Variants in ATP8B1 observed in about 807,000 individuals in gnomAD.
ATP8B1 encodes the protein ATPase phospholipid transporting 8B1, also known as phospholipid-transporting ATPase IC.
In ATP8B1, 80 loss-of-function variants were observed where a neutral mutation model predicts 149.9. That is an observed-to-expected ratio of 0.53 (90% CI 0.45 to 0.64). The LOEUF (loss-of-function observed/expected upper bound fraction) is 0.64. ATP8B1 is among the 30% of genes least tolerant of loss of function. The pLI, the probability that ATP8B1 is intolerant of heterozygous loss-of-function variation, is 0.00. For missense variants in ATP8B1, 1,247 were observed against 1,552.6 expected, an observed-to-expected ratio of 0.80 and a Z score of 3.31; for synonymous variants, 536 against 562.8, an observed-to-expected ratio of 0.95 and a Z score of 0.67.
chr18:57,760,863 C>T lies in ATP8B1; in HGVS notation c.-25-29031G>A, dbSNP rs567715118. 4.6e-5 allele frequency among the ~76,000 whole-genome samples: 7 copies of T among 151,948 alleles called. No homozygotes were observed. In the South Asian group the frequency reaches 8.3e-4, roughly 18 times the overall value. On this transcript the variant is annotated intron_variant, in intron 1 of 27. Coordinates refer to ENST00000648908, the MANE Select transcript of ATP8B1 (RefSeq NM_001374385.1). Reference sequence around the variant, plus strand: ...AATTAGCCAGGCATGATGGCGCGCACCTGTAGTCCCAGCTACTCCAGAGGC... The same window carrying T: ...AATTAGCCAGGCATGATGGCGCGCATCTGTAGTCCCAGCTACTCCAGAGGC...
intron 2 of ATP8B1, among the ~76,000 whole-genome samples, chr18:57,729,136 A>G (rs2079735745): frequency 6.6e-6 from 1 of 152,144 alleles, no homozygotes; most frequent in Non-Finnish European, 1.5e-5. Context: ...GCAGAGTTGT[A>G]AAAAAACAGG....
chr18:57,713,120 G>A (rs569598377), intron 2 of ATP8B1, among the ~76,000 whole-genome samples: 2 of 152,046 alleles, frequency 1.3e-5, no homozygotes, highest in South Asian at 4.2e-4. Context: ...AAAGCAGAAG[G>A]AAAATTAAAG....
intron 4 of ATP8B1, among the ~76,000 whole-genome samples, chr18:57,701,837 A>G (rs1004739628): frequency 1.3e-5 from 2 of 151,996 alleles, no homozygotes; most frequent in Non-Finnish European, 2.9e-5. Context: ...CTGGGATTAC[A>G]GGTGTGTGCC....
intron 6 of ATP8B1, among the ~76,000 whole-genome samples, chr18:57,699,540 C>T (rs536735855): frequency 7.9e-5 from 12 of 151,798 alleles, no homozygotes; most frequent in African/African-American, 2.7e-4. Context: ...ATTAAGACCA[C>T]GGTGAAACCC....
At chr18:57,711,467 C>T (rs895746878) in intron 2 of ATP8B1, among the ~76,000 whole-genome samples, 3 of 152,192 alleles carry the variant, frequency 2.0e-5, no homozygotes, top group Non-Finnish European at 2.9e-5. Flanking sequence ...TGTACACACA[C>T]GTGCACATCT....
At position 57,701,232 on chromosome 18, in the gene ATP8B1, C is replaced by T; in HGVS notation, c.475G>A (p.Asp159Asn). Reference sequence around the variant, plus strand: ...ATCCTCACCACATCGTCCACCAGGTCTTTGATTGCAGTGACGCCCAGCACC... The same window carrying T: ...ATCCTCACCACATCGTCCACCAGGTTTTTGATTGCAGTGACGCCCAGCACC... The part of the protein sequence containing the change: ...LVVLGVTAIK[D>N]LVDDVARHKM... The change falls in exon 5 of 28, where the codon GAC (aspartate) becomes AAC (asparagine). Residue 159 changes from aspartate (D) to asparagine (N), a missense_variant. Coordinates refer to ENST00000648908, the MANE Select transcript of ATP8B1 (RefSeq NM_001374385.1). 1 of 1,614,206 alleles carries T rather than the reference C, an allele frequency of 6.2e-7. No homozygotes were observed. The highest frequency in any genetic ancestry group is 8.5e-7 in the Non-Finnish European group (1 of 1,180,024).
At chr18:57,752,223 AATG>A (rs200363151) in intron 1 of ATP8B1, among the ~76,000 whole-genome samples, 2,035 of 119,436 alleles carry the variant, frequency 0.017, 28 homozygotes, top group South Asian at 0.031. Flanking sequence ...TAATAATAAT[AATG>A]ATAATAATAA....
At chr18:57,764,420 T>C (rs1045220361) in intron 1 of ATP8B1, among the ~76,000 whole-genome samples, 7 of 56,208 alleles carry the variant, frequency 1.2e-4, no homozygotes, top group Non-Finnish European at 2.9e-4. Context: ...TCTCTTTCTC[T>C]CTTTCTTTCT....
At chr18:57,771,630 T>TACAG (rs1555655551) in intron 1 of ATP8B1, among the ~76,000 whole-genome samples, 1 of 152,196 alleles carries the variant, frequency 6.6e-6, no homozygotes, top group Non-Finnish European at 1.5e-5. Flanking sequence ...TCAGGCCACA[T>TACAG]ACAGCAGCAG....
At chr18:57,714,136 G>A (rs983439583) in intron 2 of ATP8B1, among the ~76,000 whole-genome samples, 12 of 152,232 alleles carry the variant, frequency 7.9e-5, no homozygotes, top group African/African-American at 2.9e-4. Flanking sequence ...AACATCAGCA[G>A]TAACCTGGCA....
intron 1 of ATP8B1, among the ~76,000 whole-genome samples, chr18:57,781,512 T>G (rs1233320481): frequency 6.6e-6 from 1 of 152,214 alleles, no homozygotes; most frequent in African/African-American, 2.4e-5. Context: ...AGTGCTGAAC[T>G]TGTATTTAGT....
At chr18:57,668,075 G>A (rs913359793) in intron 19 of ATP8B1, 1 of 1,305,646 alleles carries the variant, frequency 7.7e-7, no homozygotes, top group African/African-American at 1.5e-5. Flanking sequence ...ACTTTGTATT[G>A]TTCTACTCTG....
chr18:57,749,489 A>T (rs751714454), intron 1 of ATP8B1, among the ~76,000 whole-genome samples: 1 of 152,194 alleles, frequency 6.6e-6, no homozygotes, highest in Non-Finnish European at 1.5e-5. Flanking sequence ...TTATCATAAT[A>T]CTATTTATAA....
At chr18:57,651,720 C>T (rs895902496) in intron 26 of ATP8B1, among the ~76,000 whole-genome samples, 3 of 151,936 alleles carry the variant, frequency 2.0e-5, no homozygotes, top group Non-Finnish European at 2.9e-5. Flanking sequence ...GTAGCCTCAA[C>T]GTCCCAGGTC....
In ATP8B1 at chr18:57,662,679, T is replaced by C. The variant is rs1910548199; in HGVS notation, c.2286-64A>G. The stretch of plus-strand genomic sequence containing the variant: ...CCTAAATAGGCCCTTGACTCTGAGA[T>C]AACTTTGACTTAAAAAAAATTGTGA... On this transcript the variant is annotated intron_variant, in intron 20 of 27. Transcript: ENST00000648908. The C allele has an allele frequency of 7.1e-6, 11 of 1,551,020 alleles. No homozygotes were observed. The South Asian group carries it at 1.1e-4, about 15-fold the overall frequency.
intron 4 of ATP8B1, among the ~76,000 whole-genome samples, chr18:57,703,308 G>A (rs1913219825): frequency 6.6e-6 from 1 of 152,148 alleles, no homozygotes; most frequent in South Asian, 2.1e-4. Context: ...AGTGGCTCAT[G>A]CTTGTAATCC....
chr18:57,705,095 A>AAGAT (rs1913323653), intron 3 of ATP8B1, among the ~76,000 whole-genome samples: 1 of 152,156 alleles, frequency 6.6e-6, no homozygotes, highest in African/African-American at 2.4e-5. Flanking sequence ...AGAAGAAAGA[A>AAGAT]AGATACTGAT....
intron 1 of ATP8B1, among the ~76,000 whole-genome samples, chr18:57,798,823 GAAC>G (rs1271196502): frequency 1.3e-5 from 2 of 152,100 alleles, no homozygotes; most frequent in Non-Finnish European, 2.9e-5. Context: ...CAGGGCTTAA[GAAC>G]AACAGTGTAG....
At position 57,704,642 on chromosome 18, in the gene ATP8B1, G is replaced by A. The variant is rs1555693515; in HGVS notation, c.306C>T (p.Tyr102=). 6.2e-7 allele frequency: 1 copy of A among 1,607,510 alleles called. No individual in the cohort carries two copies. The change falls in exon 4 of 28, where the codon TAC becomes TAT. Residue 102 remains tyrosine (Y), a synonymous_variant. Coordinates refer to ENST00000648908, the MANE Select transcript of ATP8B1 (RefSeq NM_001374385.1). The part of the protein sequence containing the change: ...YANNAIKTYK[Y]NAFTFIPMNL... ...TCATTGGTATAAAGGTAAATGCGTT[G>A]TACTTGTATGTTTTAATTGCATTAT...
Sources: gnomAD v4.1 joint callset for allele counts (sites outside exome capture counted in the v4.1 genomes callset) on GRCh38, gnomAD v4.1.1 for gene constraint, MANE v1.5 for transcripts, NCBI Gene and HGNC (gene_info 2026-07-23, HGNC 2026-07-21) for gene names.